AFF1: variants seen among roughly 807,000 people sequenced by gnomAD.
The protein encoded by AFF1 is ALF transcription elongation factor 1.
AFF1 carries 48 observed loss-of-function variants against 121.7 expected under a neutral mutation model. That is an observed-to-expected ratio of 0.39 (90% confidence interval 0.31 to 0.50). The LOEUF is 0.50. Ranked by LOEUF, AFF1 falls within the 20% of genes least tolerant of loss-of-function variation. The probability of loss-of-function intolerance (pLI) is 0.76; values close to 1 mark genes in which losing one functional copy is unlikely to be tolerated. For missense variants in AFF1, 1,523 were observed against 1,511.7 expected, an observed-to-expected ratio of 1.01 and a Z score of -0.12; for synonymous variants, 613 against 563.0, an observed-to-expected ratio of 1.09 and a Z score of -1.26.
chr4:87,108,436 T>G, intron 11 of AFF1, 121 bp downstream of exon 11: 19 of 1,057,444 alleles, frequency 1.8e-5, no homozygotes, highest in Non-Finnish European at 2.5e-5. Flanking sequence ...CATGGGGCAA[T>G]GCTTTCCTGC....
chr4:87,125,003 G>T (rs764181506), intron 12 of AFF1, 34 bp from the exon 13 acceptor site: 10 of 1,496,004 alleles, frequency 6.7e-6, no homozygotes, highest in Non-Finnish European at 6.3e-6. Context: ...AATTATGTTG[G>T]TAATAATTTG....
chr4:87,115,609 C>CTTTTTTTTTCT (rs1553934972), intron 12 of AFF1, among the ~76,000 whole-genome samples: 1 of 40,654 alleles, frequency 2.5e-5, no homozygotes, highest in Non-Finnish European at 4.5e-5. Flanking sequence ...CAACCCACCT[C>CTTTTTTTTTCT]TTTTTTTTTT....
intron 2 of AFF1, among the ~76,000 whole-genome samples, chr4:87,031,876 C>G (rs1729121636): frequency 6.6e-6 from 1 of 152,138 alleles, no homozygotes; most frequent in Non-Finnish European, 1.5e-5. Flanking sequence ...AAGTGTATGT[C>G]TTTCTTAATT....
At chr4:87,027,094 T>G (rs1728600010) in intron 2 of AFF1, among the ~76,000 whole-genome samples, 1 of 152,198 alleles carries the variant, frequency 6.6e-6, no homozygotes, top group South Asian at 2.1e-4. Context: ...AAAGTATATT[T>G]TAAAGAATGA....
At chr4:86,992,273 C>A (rs1051299539) in intron 2 of AFF1, among the ~76,000 whole-genome samples, 1 of 152,086 alleles carries the variant, frequency 6.6e-6, no homozygotes, top group Non-Finnish European at 1.5e-5. Flanking sequence ...ATCTCTGAAG[C>A]AAGGATGGTG....
intron 4 of AFF1, among the ~76,000 whole-genome samples, chr4:87,066,601 AAAACAAAAACAG>A (rs1388161116): frequency 5.7e-5 from 6 of 104,780 alleles, no homozygotes; most frequent in Non-Finnish European, 7.0e-5. Flanking sequence ...AACAAAAACA[AAAACAAAAACAG>A]GTAGGGAGAG....
At chr4:86,950,249 G>T in intron 2 of AFF1, 1 of 827,398 alleles carries the variant, frequency 1.2e-6, no homozygotes, top group Non-Finnish European at 2.0e-6. Context: ...CATGATCTTG[G>T]CTCACTGCAA....
intron 2 of AFF1, among the ~76,000 whole-genome samples, chr4:87,019,685 C>T (rs531471199): frequency 6.6e-6 from 1 of 152,292 alleles, no homozygotes; most frequent in African/African-American, 2.4e-5. Context: ...ACGCCCCTTC[C>T]CCCATATCTC....
At chr4:86,987,946 C>CAA (rs70953634) in intron 2 of AFF1, among the ~76,000 whole-genome samples, 2 of 134,866 alleles carry the variant, frequency 1.5e-5, no homozygotes, top group South Asian at 2.3e-4. Context: ...GAGTGAGACT[C>CAA]AAAAAAAAAA....
intron 4 of AFF1, among the ~76,000 whole-genome samples, chr4:87,057,984 C>G (rs574739126): frequency 3.9e-5 from 6 of 151,914 alleles, no homozygotes; most frequent in Non-Finnish European, 8.8e-5. Context: ...GCTTGGCAAT[C>G]TCTGGTGTAA....
chr4:86,995,319 GTCTCCC>G (rs1409791613), intron 2 of AFF1, among the ~76,000 whole-genome samples: 6 of 57,868 alleles, frequency 1.0e-4, no homozygotes, highest in Non-Finnish European at 2.0e-4. Context: ...TCTCCCCACG[GTCTCCC>G]TCTCCCTCTC....
At chr4:87,041,435 G>C (rs1371721673) in intron 2 of AFF1, among the ~76,000 whole-genome samples, 1 of 152,130 alleles carries the variant, frequency 6.6e-6, no homozygotes, top group Non-Finnish European at 1.5e-5. Context: ...CAACATACAA[G>C]CCTTGGGGCC....
chr4:86,950,177 G>A lies in AFF1; in HGVS notation c.38+1606G>A, dbSNP rs543270619. 279 of 1,402,566 alleles carry A rather than the reference G, an allele frequency of 2.0e-4. 1 individual carries two copies. Among genetic ancestry groups the A allele is most frequent in the Admixed American group, 4.4e-4 (26 of 59,634 alleles). 86.9% of individuals were successfully genotyped at this position (1,402,566 alleles called of 1,614,324 possible). ...GCAGATGCTGCCCATGTCTCATCCC[G>A]AGGTATTATTATTTTTTTAAGACAA... On this transcript the variant is annotated intron_variant, in intron 2 of 20. Coordinates refer to ENST00000395146, the MANE Select transcript of AFF1 (RefSeq NM_001166693.3).
intron 2 of AFF1, among the ~76,000 whole-genome samples, chr4:87,018,560 C>T (rs1334632257): frequency 2.6e-5 from 4 of 152,110 alleles, no homozygotes; most frequent in Non-Finnish European, 5.9e-5. Flanking sequence ...GTGTTGGCCA[C>T]GCTGGAGTGC....
chr4:87,101,821 T>C (rs1305750658), intron 8 of AFF1, among the ~76,000 whole-genome samples: 1 of 152,266 alleles, frequency 6.6e-6, no homozygotes, highest in Non-Finnish European at 1.5e-5. Context: ...TATGAGCACT[T>C]ACTCTTTCTC....
intron 1 of AFF1, among the ~76,000 whole-genome samples, 164 bp from the exon 2 acceptor site, chr4:86,948,334 T>C (rs2149449520): frequency 6.6e-6 from 1 of 152,304 alleles, no homozygotes; most frequent in East Asian, 1.9e-4. Context: ...GCCTTTGATA[T>C]ATACTAGATA....
At chr4:87,073,395 T>G (rs898712978) in intron 4 of AFF1, among the ~76,000 whole-genome samples, 1 of 151,922 alleles carries the variant, frequency 6.6e-6, no homozygotes, top group Non-Finnish European at 1.5e-5. Flanking sequence ...CTTTTGCGTT[T>G]GTTATAGTGT....
rs1578334379 is a variant in AFF1 at position 87,136,659 on chromosome 4, G to A, written c.*958G>A. 8.7e-5 allele frequency: 20 copies of A among 230,386 alleles called. No homozygotes were observed. In the East Asian group the frequency reaches 1.2e-3, roughly 14 times the overall value. 14.3% of individuals were successfully genotyped at this position (230,386 alleles called of 1,614,324 possible). ...GCTTTTAAAGTTTTGTTTAAGTAGA[G>A]CTGGAATTTGAGGTGCTGATCTGTG... On this transcript the variant is annotated 3_prime_UTR_variant, in exon 21 of 21. Coordinates refer to ENST00000395146, the MANE Select transcript of AFF1 (RefSeq NM_001166693.3).
intron 4 of AFF1, among the ~76,000 whole-genome samples, chr4:87,061,327 G>C (rs1361167172): frequency 6.6e-6 from 1 of 152,190 alleles, no homozygotes; most frequent in Non-Finnish European, 1.5e-5. Context: ...GACCTATTCA[G>C]AATCTCTGTA....
Sources: allele counts gnomAD v4.1 joint callset (sites outside exome capture counted in the v4.1 genomes callset), GRCh38; gene constraint gnomAD v4.1.1; transcripts MANE v1.5; gene names NCBI Gene and HGNC (gene_info 2026-07-23, HGNC 2026-07-21).